CACNA1H: variants seen among roughly 807,000 people sequenced by gnomAD.
CACNA1H encodes the protein voltage-dependent T-type calcium channel subunit alpha-1H.
Under a neutral mutation model 192.5 loss-of-function variants are expected in CACNA1H, and 149 were observed. The observed-to-expected ratio is 0.77, with a 90% CI of 0.68 to 0.89. The LOEUF is 0.89. Ranked by LOEUF, CACNA1H falls within the 40% of genes least tolerant of loss-of-function variation. The probability of loss-of-function intolerance (pLI) is 0.00; values close to 1 mark genes in which losing one functional copy is unlikely to be tolerated. For synonymous variants in CACNA1H, 2,202 were observed against 1,475.2 expected, an observed-to-expected ratio of 1.49 and a Z score of -11.29; for missense variants, 4,257 against 3,423.5, an observed-to-expected ratio of 1.24 and a Z score of -6.08.
chr16:1,195,231 C>G (rs1244043524), intron 3 of CACNA1H, 148 bp downstream of exon 3: 1 of 502,198 alleles, frequency 2.0e-6, no homozygotes, highest in Non-Finnish European at 3.0e-6. Flanking sequence ...CACGGCGGGG[C>G]GCGAGGTGGG....
chr16:1,194,647 G>A (rs1445826391), intron 2 of CACNA1H, among the ~76,000 whole-genome samples: 3 of 152,216 alleles, frequency 2.0e-5, no homozygotes, highest in Non-Finnish European at 4.4e-5. Context: ...GAGTCTGAGT[G>A]GCCCTCACTG....
chr16:1,210,192 C>A, intron 18 of CACNA1H, 57 bp downstream of exon 18: 1 of 1,407,512 alleles, frequency 7.1e-7, no homozygotes, highest in Non-Finnish European at 9.8e-7. Context: ...GGACCCCCGC[C>A]CCCAGGTCCC....
rs759417643 is a variant in CACNA1H at position 1,220,927 on chromosome 16, C to T, written c.6995C>T (p.Pro2332Leu). Residue 2332 changes from proline to leucine, a missense_variant, in exon 35 of 35, where the codon CCT (proline) becomes CTT (leucine). Coordinates refer to ENST00000348261, the MANE Select transcript of CACNA1H (RefSeq NM_021098.3). Reference sequence around the variant, plus strand: ...CTGTACCTCACAGTCCCCCAGTGTCCTCTGGAGAAACCAGGGTCCCCCTCA... The same window carrying T: ...CTGTACCTCACAGTCCCCCAGTGTCTTCTGGAGAAACCAGGGTCCCCCTCA... Reference protein sequence around the residue: ...RGLYLTVPQCPLEKPGSPSAT... With the variant: ...RGLYLTVPQCLLEKPGSPSAT... 16 of 1,610,000 alleles carry T rather than the reference C, an allele frequency of 9.9e-6. No homozygotes were observed. Among genetic ancestry groups the T allele is most frequent in the Middle Eastern group, 3.3e-4 (2 of 6,068 alleles).
intron 2 of CACNA1H, among the ~76,000 whole-genome samples, chr16:1,156,336 G>A (rs746929701): frequency 7.2e-5 from 11 of 152,370 alleles, no homozygotes; most frequent in Admixed American, 3.9e-4. Context: ...CGGCTGCATG[G>A]GGGTGGGTGT....
rs984880682 is a variant in CACNA1H, at chr16:1,211,709, C to T, written c.4477-7C>T. On this transcript the variant is annotated splice_polypyrimidine_tract_variant and splice_region_variant and intron_variant, in intron 23 of 34. Coordinates refer to ENST00000348261, the MANE Select transcript of CACNA1H (RefSeq NM_021098.3). The stretch of plus-strand genomic sequence containing the variant: ...CCCTCGCCAGTGACCCTGGCTCTGG[C>T]CCTCAGGCCCTGATGTCGCTGTTCG... The T allele has an allele frequency of 1.1e-5, 17 of 1,612,370 alleles. No homozygotes were observed. In the African/African-American group the frequency reaches 1.7e-4, roughly 16 times the overall value.
In CACNA1H at chr16:1,154,008, A is replaced by G. The variant is rs1035103368; in HGVS notation, c.271A>G (p.Ser91Gly). The G allele has an allele frequency of 3.9e-6, 5 of 1,294,698 alleles. No homozygotes were observed. Among genetic ancestry groups the G allele is most frequent in the African/African-American group, 3.3e-5 (2 of 60,818 alleles). The allele number at this position is 1,294,698 out of a possible 1,614,324, so 80.2% of individuals were successfully genotyped here. A position where few individuals can be genotyped will look rare whatever the true frequency, so the allele number is the denominator to read the frequency against. ...CCTCGGTCAGACCACGCGGCCGCGCAGCTGGTGCCTCCGGCTGGTCTGCAA... is the reference window on the plus strand; with the variant it reads ...CCTCGGTCAGACCACGCGGCCGCGCGGCTGGTGCCTCCGGCTGGTCTGCAA... Reference protein sequence around the residue: ...FCLGQTTRPRSWCLRLVCNPW... With the variant: ...FCLGQTTRPRGWCLRLVCNPW... The change falls in exon 2 of 35, where the codon AGC (serine) becomes GGC (glycine). Residue 91 changes from serine (S) to glycine (G), a missense_variant. By Grantham distance (56) the Ser-to-Gly change is moderately conservative. Coordinates refer to ENST00000348261, the MANE Select transcript of CACNA1H (RefSeq NM_021098.3).
intron 18 of CACNA1H, 28 bp from the exon 19 acceptor site, chr16:1,210,342 C>CCCCACCA: frequency 1.0e-6 from 1 of 999,086 alleles, no homozygotes; most frequent in Non-Finnish European, 1.5e-6. Flanking sequence ...CGCCCCGCCC[C>CCCCACCA]ACCTCTCACC....
intron 10 of CACNA1H, 132 bp downstream of exon 10, chr16:1,204,590 G>A (rs1296869975): frequency 1.6e-5 from 11 of 683,606 alleles, no homozygotes; most frequent in Non-Finnish European, 2.6e-5. Flanking sequence ...AGAAAGCCGG[G>A]GATGGTGAGG....
chr16:1,153,868 C>G lies in CACNA1H; in HGVS notation c.131C>G (p.Ser44Cys), dbSNP rs983437887. ...GAPGREAERG[S>C]ELGVSPSESP... ...CCGGGACGCGAGGCGGAGCGGGGGTCCGAGCTCGGCGTGTCACCCTCCGAG... is the reference window on the plus strand; with the variant it reads ...CCGGGACGCGAGGCGGAGCGGGGGTGCGAGCTCGGCGTGTCACCCTCCGAG... Residue 44 changes from serine to cysteine, a missense_variant, in exon 2 of 35, where the codon TCC (serine) becomes TGC (cysteine). By Grantham distance (112) the Ser-to-Cys change is moderately radical. Transcript: ENST00000348261. The G allele has an allele frequency of 2.2e-6, 3 of 1,389,758 alleles. No homozygotes were observed. The African/African-American group carries it at 4.5e-5, about 21-fold the overall frequency. 86.1% of individuals were successfully genotyped at this position (1,389,758 alleles called of 1,614,324 possible). A position where few individuals can be genotyped will look rare whatever the true frequency, so the allele number is the denominator to read the frequency against.
intron 2 of CACNA1H, among the ~76,000 whole-genome samples, chr16:1,186,474 G>A (rs192635383): frequency 4.9e-4 from 75 of 152,198 alleles, no homozygotes; most frequent in African/African-American, 1.7e-3. Flanking sequence ...GGGTCACTGT[G>A]GACTCTGCCC....
chr16:1,190,588 C>T (rs891337659), intron 2 of CACNA1H, among the ~76,000 whole-genome samples: 4 of 152,224 alleles, frequency 2.6e-5, no homozygotes, highest in South Asian at 2.1e-4. Flanking sequence ...GGGTGTGACC[C>T]GGTTGGGAGG....
chr16:1,206,515 G>A, intron 12 of CACNA1H: 3 of 560,752 alleles, frequency 5.3e-6, no homozygotes, highest in Non-Finnish European at 6.3e-6. Context: ...GTCAGAGATG[G>A]GCCGCCAGGT....
intron 4 of CACNA1H, 115 bp from the exon 5 acceptor site, chr16:1,195,811 C>G (rs1211939329): frequency 1.1e-6 from 1 of 947,600 alleles, no homozygotes; most frequent in Non-Finnish European, 1.7e-6. Context: ...AGTACAAGGT[C>G]CTCCGGGTGC....
chr16:1,213,207 G>C (rs1249772525), intron 26 of CACNA1H, among the ~76,000 whole-genome samples: 2 of 152,218 alleles, frequency 1.3e-5, no homozygotes, highest in Non-Finnish European at 2.9e-5. Flanking sequence ...ACTTGGGCTG[G>C]TGGCCAGAGG....
intron 2 of CACNA1H, among the ~76,000 whole-genome samples, chr16:1,154,454 G>C (rs891705704): frequency 3.9e-5 from 6 of 152,312 alleles, no homozygotes; most frequent in Non-Finnish European, 8.8e-5. Flanking sequence ...CGCGGGGGAG[G>C]GGGAGGCCAG....
chr16:1,216,496 A>T (rs980680593), intron 30 of CACNA1H, among the ~76,000 whole-genome samples: 12 of 152,018 alleles, frequency 7.9e-5, no homozygotes, highest in South Asian at 4.2e-4. Flanking sequence ...ACCTGCCGGG[A>T]CCCCTCAGTC....
chr16:1,220,964 C>T lies in CACNA1H; in HGVS notation c.7032C>T (p.Ala2344=), dbSNP rs1970441667. The change falls in exon 35 of 35, where the codon GCC becomes GCT. Residue 2344 remains alanine (A), a synonymous_variant. Transcript: ENST00000348261. ...CAGGGTCCCCCTCAGCCACCCCTGC[C>T]CCAGGGGGTGGTGCAGATGACCCCG... ...EKPGSPSATP[A]PGGGADDPV is the part of the protein sequence containing the mutation. 1 of 1,603,352 alleles carries T rather than the reference C, an allele frequency of 6.2e-7. No homozygotes were observed. The highest frequency in any genetic ancestry group is 8.5e-7 in the Non-Finnish European group (1 of 1,174,906).
chr16:1,203,474 G>A (rs1327823873), intron 9 of CACNA1H, among the ~76,000 whole-genome samples: 2 of 152,204 alleles, frequency 1.3e-5, no homozygotes, highest in African/African-American at 2.4e-5. Flanking sequence ...ACGTGAGCAG[G>A]AATGCGGCTG....
chr16:1,205,091 A>G (rs963859790), intron 10 of CACNA1H, 23 bp from the exon 11 acceptor site: 2 of 1,603,210 alleles, frequency 1.2e-6, no homozygotes, highest in Non-Finnish European at 1.7e-6. Flanking sequence ...GGCCTCCTGA[A>G]CTGTCCCCAC....
Sources: allele counts gnomAD v4.1 joint callset (sites outside exome capture counted in the v4.1 genomes callset), GRCh38; gene constraint gnomAD v4.1.1; transcripts MANE v1.5; gene names NCBI Gene and HGNC (gene_info 2026-07-23, HGNC 2026-07-21).